Variants in ATP8A2 observed in about 807,000 individuals in gnomAD.
ATP8A2 encodes the protein phospholipid-transporting ATPase IB.
In ATP8A2, 100 loss-of-function variants were observed where a neutral mutation model predicts 165.6. The observed-to-expected ratio is 0.60, with a 90% CI of 0.51 to 0.71. ATP8A2 has a LOEUF of 0.71. Ranked by LOEUF, ATP8A2 falls within the 30% of genes least tolerant of loss-of-function variation. The probability of loss-of-function intolerance (pLI) is 0.00; values close to 1 mark genes in which losing one functional copy is unlikely to be tolerated. For synonymous variants in ATP8A2, 543 were observed against 548.8 expected (o/e 0.99, Z 0.15); for missense variants, 1,227 against 1,479.5 (o/e 0.83, Z 2.80).
chr13:25,612,789 G>C (rs904607856), intron 24 of ATP8A2, among the ~76,000 whole-genome samples: 1 of 152,116 alleles, frequency 6.6e-6, no homozygotes, highest in African/African-American at 2.4e-5. Flanking sequence ...AGGTCTAGTA[G>C]TAATTGTTTT....
At chr13:25,499,511 C>G (rs990988472) in intron 2 of ATP8A2, among the ~76,000 whole-genome samples, 1 of 152,178 alleles carries the variant, frequency 6.6e-6, no homozygotes, top group Admixed American at 6.5e-5. Context: ...ACACCTTCTT[C>G]GAGAGCGTTT....
chr13:25,753,008 C>CT (rs771500681), intron 25 of ATP8A2, among the ~76,000 whole-genome samples: 6 of 152,160 alleles, frequency 3.9e-5, no homozygotes, highest in Non-Finnish European at 8.8e-5. Context: ...CTGTGGAGTA[C>CT]TGGGGGGCAC....
chr13:25,513,943 C>A lies in ATP8A2; in HGVS notation c.222-16056C>A, dbSNP rs537155023. Among the ~76,000 whole-genome samples the A allele has an allele frequency of 2.6e-5, 3 of 115,744 alleles. No homozygotes were observed. The Admixed American group carries it at 3.5e-4, about 13-fold the overall frequency. The allele number at this position is 115,744 out of a possible 152,430, so 75.9% of individuals were successfully genotyped here. The stretch of plus-strand genomic sequence containing the variant: ...CTTTGGCTCGGCATCAGAGGGAGAC[C>A]GTGGAAAGAGAGGGAGAGGGAGACC... On this transcript the variant is annotated intron_variant, in intron 2 of 36. Transcript: ENST00000381655.
intron 33 of ATP8A2, among the ~76,000 whole-genome samples, chr13:25,924,643 G>GT (rs386378541): frequency 2.6e-4 from 1 of 3,916 alleles, no homozygotes; most frequent in Admixed American, 3.8e-3. Context: ...ACATTTGATT[G>GT]GGGGGGAATA....
intron 27 of ATP8A2, among the ~76,000 whole-genome samples, chr13:25,793,025 GGAGAAGAGAGGAGAAGAGAA>G (rs1411819227): frequency 9.9e-6 from 1 of 101,290 alleles, no homozygotes; most frequent in Non-Finnish European, 2.4e-5. Context: ...AGAGAAGAGA[GGAGAAGAGAGGAGAAGAGAA>G]GAGAAGAGAA....
At chr13:25,460,701 C>T (rs1263526168) in intron 1 of ATP8A2, among the ~76,000 whole-genome samples, 1 of 152,170 alleles carries the variant, frequency 6.6e-6, no homozygotes, top group South Asian at 2.1e-4. Context: ...GCTCAACTTT[C>T]ACCCACTGTG....
intron 28 of ATP8A2, among the ~76,000 whole-genome samples, chr13:25,829,420 C>T (rs1382973527): frequency 6.6e-6 from 1 of 151,836 alleles, no homozygotes; most frequent in Non-Finnish European, 1.5e-5. Flanking sequence ...GCTCCAGGGC[C>T]TCCCCTTTGT....
intron 25 of ATP8A2, among the ~76,000 whole-genome samples, chr13:25,759,219 G>A (rs900854274): frequency 1.3e-5 from 2 of 152,192 alleles, no homozygotes; most frequent in Non-Finnish European, 2.9e-5. Context: ...GGAAGTTACA[G>A]TTTGGTGTAG....
intron 2 of ATP8A2, among the ~76,000 whole-genome samples, chr13:25,498,296 G>C (rs2036743221): frequency 6.6e-6 from 1 of 152,168 alleles, no homozygotes; most frequent in African/African-American, 2.4e-5. Context: ...TCAGATAGTG[G>C]ATTCTCACTA....
chr13:25,516,677 G>C (rs950176289), intron 2 of ATP8A2, among the ~76,000 whole-genome samples: 5 of 151,210 alleles, frequency 3.3e-5, no homozygotes, highest in Non-Finnish European at 4.4e-5. Context: ...CATTAAAAAT[G>C]ATCCTTCTCT....
intron 35 of ATP8A2, among the ~76,000 whole-genome samples, chr13:25,970,108 T>C (rs1298658802): frequency 6.6e-6 from 1 of 152,218 alleles, no homozygotes; most frequent in East Asian, 1.9e-4. Flanking sequence ...TTAAGTTTAG[T>C]AAGGACAATA....
rs1957096715 is a variant in ATP8A2 at position 26,022,553 on chromosome 13, T to C, written c.*2568T>C. ...GAAAACATTAGAAGAGATGCCTTTC[T>C]ATCCTCTCATGTGGTTGAGCATTCT... On this transcript the variant is annotated 3_prime_UTR_variant, in exon 37 of 37. Transcript: ENST00000381655. 6.6e-6 allele frequency: 1 copy of C among 152,262 alleles called. No homozygotes were observed. The highest frequency in any genetic ancestry group is 2.4e-5 in the African/African-American group (1 of 41,474). 9.4% of individuals were successfully genotyped at this position (152,262 alleles called of 1,614,324 possible).
At chr13:25,965,876 C>T (rs368968897) in intron 34 of ATP8A2, among the ~76,000 whole-genome samples, 7 of 152,158 alleles carry the variant, frequency 4.6e-5, no homozygotes, top group African/African-American at 1.7e-4. Context: ...AATTTCTATA[C>T]ACAAATGGGC....
At chr13:25,817,965 G>T (rs1045920849) in intron 27 of ATP8A2, among the ~76,000 whole-genome samples, 3 of 152,148 alleles carry the variant, frequency 2.0e-5, no homozygotes, top group Non-Finnish European at 4.4e-5. Context: ...ATAGGTAGGA[G>T]CCACTGTACC....
At chr13:25,891,917 G>A (rs1023395907) in intron 33 of ATP8A2, among the ~76,000 whole-genome samples, 2 of 152,108 alleles carry the variant, frequency 1.3e-5, no homozygotes, top group African/African-American at 4.8e-5. Flanking sequence ...GTGTGCGTGT[G>A]TGTGGTTTGC....
intron 2 of ATP8A2, among the ~76,000 whole-genome samples, chr13:25,481,624 T>A (rs2036204751): frequency 6.6e-6 from 1 of 152,244 alleles, no homozygotes; most frequent in South Asian, 2.1e-4. Context: ...TAGCTCAGGC[T>A]GCCATAGCAA....
At chr13:25,801,198 A>G (rs977548348) in intron 27 of ATP8A2, among the ~76,000 whole-genome samples, 1 of 152,132 alleles carries the variant, frequency 6.6e-6, no homozygotes, top group African/African-American at 2.4e-5. Flanking sequence ...TAGGTACTCT[A>G]CTTCGGAGTG....
intron 2 of ATP8A2, among the ~76,000 whole-genome samples, chr13:25,469,500 C>T (rs895146722): frequency 6.6e-6 from 1 of 152,114 alleles, no homozygotes; most frequent in African/African-American, 2.4e-5. Context: ...ATTTTTAGAC[C>T]ATACTATGGG....
chr13:25,484,551 G>C (rs9511818), intron 2 of ATP8A2, among the ~76,000 whole-genome samples: 43,874 of 151,866 alleles, frequency 0.29, 7,953 homozygotes, highest in East Asian at 0.88. Context: ...GAGTCTCGCT[G>C]TTGCCCAGGC....
Sources: allele counts gnomAD v4.1 joint callset (sites outside exome capture counted in the v4.1 genomes callset), GRCh38; gene constraint gnomAD v4.1.1; transcripts MANE v1.5; gene names NCBI Gene and HGNC (gene_info 2026-07-23, HGNC 2026-07-21).